SOX6: variants seen among roughly 807,000 people sequenced by gnomAD.
SOX6 encodes the protein SRY-box transcription factor 6, also known as transcription factor SOX-6.
In SOX6, 11 loss-of-function variants were observed where a neutral mutation model predicts 97.8. The ratio of observed to expected loss-of-function variants is 0.11; its 90% confidence interval spans 0.07 to 0.19. SOX6 has a LOEUF of 0.19. SOX6 is among the 10% of genes least tolerant of loss of function. The pLI is 1.00. For synonymous variants in SOX6, 360 were observed against 371.4 expected (o/e 0.97, Z 0.35); for missense variants, 810 against 1,039.5 (o/e 0.78, Z 3.04).
At chr11:16,253,614 C>G (rs911175648) in intron 3 of SOX6, among the ~76,000 whole-genome samples, 3 of 151,700 alleles carry the variant, frequency 2.0e-5, no homozygotes. Flanking sequence ...CACTAGTAGA[C>G]TGGATATGAC....
chr11:16,593,521 GA>G (rs11454509), intron 4 of SOX6, among the ~76,000 whole-genome samples: 14,938 of 148,814 alleles, frequency 0.1, 845 homozygotes, highest in Non-Finnish European at 0.14. Flanking sequence ...TCCACCTTTA[GA>G]AAAAAAAAAA....
Position 16,049,889 on chromosome 11 carries a change from G to A in SOX6, c.1301C>T (p.Ala434Val), listed in dbSNP as rs187094514. 7.7e-5 allele frequency: 124 copies of A among 1,613,782 alleles called. No homozygotes were observed. The East Asian group carries it at 2.3e-3, about 29-fold the overall frequency. ...PLNLSSRPKT[A>V]EPVKSPTSPT... The stretch of plus-strand genomic sequence containing the variant: ...AGACGTTGGGGACTTTACAGGCTCT[G>A]CTGTCTTGGGTCGGGATGAGAGATT... The change falls in exon 11 of 16, where the codon GCA becomes GTA. Residue 434 changes from alanine to valine, a missense_variant. Ala to Val is a moderately conservative substitution (Grantham distance 64). Transcript: ENST00000683767.
chr11:16,258,768 C>G lies in SOX6; in HGVS notation c.446-24097G>C, dbSNP rs567700068. 3.3e-4 allele frequency among the ~76,000 whole-genome samples: 50 copies of G among 151,716 alleles called. 1 individual carries two copies. Among genetic ancestry groups the G allele is most frequent in the Middle Eastern group, 3.4e-3 (1 of 294 alleles). On this transcript the variant is annotated intron_variant, in intron 3 of 15. Coordinates refer to ENST00000683767, the MANE Select transcript of SOX6 (RefSeq NM_001367873.1). The stretch of plus-strand genomic sequence containing the variant: ...TATCTGTTGCAACAAATCTACCACT[C>G]TGTTATGAGATGTTGATAATAGGGG...
intron 3 of SOX6, among the ~76,000 whole-genome samples, chr11:16,687,777 C>T (rs1424801637): frequency 6.6e-6 from 1 of 152,132 alleles, no homozygotes; most frequent in Non-Finnish European, 1.5e-5. Flanking sequence ...AGTGATCCTC[C>T]CACCTCAGCC....
chr11:16,333,210 C>T (rs546605300), intron 2 of SOX6, among the ~76,000 whole-genome samples: 6 of 152,126 alleles, frequency 3.9e-5, no homozygotes, highest in Admixed American at 6.6e-5. Flanking sequence ...TAATATGCTG[C>T]GTATCACAGT....
chr11:16,245,858 T>A (rs2134191832), intron 3 of SOX6, among the ~76,000 whole-genome samples: 1 of 151,446 alleles, frequency 6.6e-6, no homozygotes, highest in East Asian at 1.9e-4. Flanking sequence ...ATTAATTGGG[T>A]CTTGTTTTTT....
At chr11:16,653,938 A>T (rs1847688620) in intron 3 of SOX6, among the ~76,000 whole-genome samples, 1 of 151,840 alleles carries the variant, frequency 6.6e-6, no homozygotes, top group Non-Finnish European at 1.5e-5. Context: ...AAAACACAAA[A>T]TATGAATTTA....
In SOX6 at chr11:16,488,363, TA is replaced by T. The variant is rs144359360; in HGVS notation, n.610-11976del. Reference sequence around the variant, plus strand: ...AACTATATAATCTCACTTTCTAAAATAAAAAAAAATACTTTTAAAGATGAGG... The same window carrying T: ...AACTATATAATCTCACTTTCTAAAATAAAAAAAATACTTTTAAAGATGAGG... On this transcript the variant is annotated intron_variant and non_coding_transcript_variant, in intron 4 of 5. Transcript: ENST00000524520. Among the ~76,000 whole-genome samples the T allele has an allele frequency of 9.6e-3, 1,453 of 151,556 alleles. 22 individuals carry two copies. Among genetic ancestry groups the T allele is most frequent in the African/African-American group, 0.033 (1,366 of 41,366 alleles).
At chr11:16,186,136 C>T (rs1851467820) in intron 5 of SOX6, among the ~76,000 whole-genome samples, 1 of 152,112 alleles carries the variant, frequency 6.6e-6, no homozygotes, top group Non-Finnish European at 1.5e-5. Flanking sequence ...TCTTCATTCT[C>T]AATTCTAAGT....
At chr11:16,007,480 G>C (rs1854589779) in intron 13 of SOX6, among the ~76,000 whole-genome samples, 1 of 152,070 alleles carries the variant, frequency 6.6e-6, no homozygotes, top group Admixed American at 6.6e-5. Context: ...ACTGGGGGAG[G>C]ACTGGGTGGG....
At chr11:16,552,499 A>G (rs1847700288) in intron 4 of SOX6, among the ~76,000 whole-genome samples, 1 of 152,168 alleles carries the variant, frequency 6.6e-6, no homozygotes, top group Non-Finnish European at 1.5e-5. Context: ...TTAAGGGTCT[A>G]TTGGTCTGGG....
intron 3 of SOX6, among the ~76,000 whole-genome samples, chr11:16,271,591 T>A (rs1273979004): frequency 6.6e-6 from 1 of 151,436 alleles, no homozygotes; most frequent in African/African-American, 2.4e-5. Context: ...ATTTTGGTTA[T>A]TTTTATTTCT....
intron 3 of SOX6, among the ~76,000 whole-genome samples, chr11:16,252,891 A>C (rs1853558046): frequency 6.6e-6 from 1 of 152,046 alleles, no homozygotes; most frequent in Non-Finnish European, 1.5e-5. Context: ...GCTCACCAAA[A>C]ACCTGAGATG....
At chr11:16,721,506 C>CTCTG (rs1848261818) in intron 2 of SOX6, among the ~76,000 whole-genome samples, 1 of 13,648 alleles carries the variant, frequency 7.3e-5, no homozygotes, top group Non-Finnish European at 1.6e-4. Flanking sequence ...TTCTGTCTCT[C>CTCTG]TCTCTCTCTC....
chr11:16,106,343 C>CAT (rs34425335), intron 7 of SOX6, among the ~76,000 whole-genome samples: 70 of 150,480 alleles, frequency 4.7e-4, no homozygotes, highest in South Asian at 2.9e-3. Context: ...CATAAGGAGA[C>CAT]ATATATATAT....
At chr11:16,574,000 G>C (rs1589991344) in intron 4 of SOX6, among the ~76,000 whole-genome samples, 2 of 152,156 alleles carry the variant, frequency 1.3e-5, no homozygotes, top group East Asian at 3.9e-4. Flanking sequence ...AAAATAACTG[G>C]AGAGAGAAAA....
intron 6 of SOX6, among the ~76,000 whole-genome samples, chr11:16,113,285 T>C (rs1226205058): frequency 6.6e-6 from 1 of 152,226 alleles, no homozygotes; most frequent in Admixed American, 6.5e-5. Context: ...TCTGAATTCA[T>C]TTCTCAAGAA....
chr11:16,644,746 G>C (rs560539026), intron 3 of SOX6, among the ~76,000 whole-genome samples: 2 of 152,288 alleles, frequency 1.3e-5, no homozygotes, highest in Non-Finnish European at 2.9e-5. Flanking sequence ...TTTGTTGGGT[G>C]TAGGAGTCCA....
At position 16,237,709 on chromosome 11, in the gene SOX6, C is replaced by A. The variant is rs114389289; in HGVS notation, c.446-3038G>T. ...AAAAGGACTGAACAGCCCCAAGACA[C>A]TCTTGGATTATTTTATAAACATAAA... On this transcript the variant is annotated intron_variant, in intron 3 of 15. Coordinates refer to ENST00000683767, the MANE Select transcript of SOX6 (RefSeq NM_001367873.1). Among the ~76,000 whole-genome samples, 812 of 152,112 alleles carry A rather than the reference C, an allele frequency of 5.3e-3. 6 individuals carry two copies. Among genetic ancestry groups the A allele is most frequent in the African/African-American group, 0.019 (775 of 41,552 alleles).
Sources: allele counts gnomAD v4.1 joint callset (sites outside exome capture counted in the v4.1 genomes callset), GRCh38; gene constraint gnomAD v4.1.1; transcripts MANE v1.5; gene names NCBI Gene and HGNC (gene_info 2026-07-23, HGNC 2026-07-21).